The following SDK2 variants were observed in gnomAD, a reference collection of about 807,000 sequenced individuals.
The protein encoded by SDK2 is protein sidekick-2.
A neutral mutation model predicts 253.9 loss-of-function variants in SDK2; 105 were observed. That is an observed-to-expected ratio of 0.41 (90% confidence interval 0.35 to 0.49). The LOEUF (loss-of-function observed/expected upper bound fraction) is 0.49, where lower values mean the gene tolerates loss of function less well. Among genes scored for constraint, SDK2 ranks in the 20% least tolerant of loss-of-function variants. SDK2 has a pLI of 0.06. For synonymous variants in SDK2, 1,249 were observed against 1,234.9 expected (o/e 1.01, Z -0.24); for missense variants, 2,608 against 3,003.0 (o/e 0.87, Z 3.07).
At chr17:73,499,859 CTGTGTG>C (rs59872387) in intron 2 of SDK2, among the ~76,000 whole-genome samples, 18,028 of 145,234 alleles carry the variant, frequency 0.12, 1,068 homozygotes, top group Non-Finnish European at 0.14. Flanking sequence ...GCATGGGAAT[CTGTGTG>C]TGTGTGTGTG....
intron 1 of SDK2, among the ~76,000 whole-genome samples, chr17:73,626,868 C>T (rs1490535700): frequency 6.6e-6 from 1 of 152,188 alleles, no homozygotes; most frequent in African/African-American, 2.4e-5. Flanking sequence ...TGAGCTTGGA[C>T]CTGCTGTGCT....
intron 4 of SDK2, among the ~76,000 whole-genome samples, chr17:73,453,713 G>A (rs2063504337): frequency 6.6e-6 from 1 of 152,132 alleles, no homozygotes; most frequent in South Asian, 2.1e-4. Flanking sequence ...ATCTGTGGCT[G>A]TGGGTAGCTG....
Position 73,612,172 on chromosome 17 carries a change from C to T in SDK2, c.64+31853G>A, listed in dbSNP as rs772849540. On this transcript the variant is annotated intron_variant, in intron 1 of 44. Transcript: ENST00000392650. The surrounding 1 kb of genome is among the most constrained non-coding windows in gnomAD (Gnocchi z 4.4). ...TCACCCCCGCTGCAGCCTCTTCAAGCGAGGAAAGATAAATGCAAGTACACC... is the reference window on the plus strand; with the variant it reads ...TCACCCCCGCTGCAGCCTCTTCAAGTGAGGAAAGATAAATGCAAGTACACC... Among the ~76,000 whole-genome samples, 5 of 152,326 alleles carry T rather than the reference C, an allele frequency of 3.3e-5. No individual in the cohort carries two copies. Among genetic ancestry groups the T allele is most frequent in the Non-Finnish European group, 7.4e-5 (5 of 68,022 alleles).
chr17:73,622,551 C>A (rs114883324), intron 1 of SDK2, among the ~76,000 whole-genome samples: 1 of 152,196 alleles, frequency 6.6e-6, no homozygotes, highest in Non-Finnish European at 1.5e-5. Context: ...GGGAGGGAGG[C>A]AAAGAGTGCT....
chr17:73,423,653 G>T lies in SDK2; in HGVS notation c.1761-131C>A. The T allele has an allele frequency of 4.5e-6, 5 of 1,123,508 alleles. No homozygotes were observed. In the South Asian group the frequency reaches 1.0e-4, roughly 23 times the overall value. 69.6% of individuals were successfully genotyped at this position (1,123,508 alleles called of 1,614,324 possible). A position where few individuals can be genotyped will look rare whatever the true frequency, so the allele number is the denominator to read the frequency against. Reference sequence around the variant, plus strand: ...TGCTTAGACGTAAAATGTGGCCTTCGGGCCATCTACCTGGAGATTTTTCTC... The same window carrying T: ...TGCTTAGACGTAAAATGTGGCCTTCTGGCCATCTACCTGGAGATTTTTCTC... On this transcript the variant is annotated intron_variant, in intron 13 of 44. Transcript: ENST00000392650.
At chr17:73,622,447 T>A (rs965259882) in intron 1 of SDK2, among the ~76,000 whole-genome samples, 3 of 152,140 alleles carry the variant, frequency 2.0e-5, no homozygotes, top group South Asian at 2.1e-4. Flanking sequence ...ATTAGGGCTG[T>A]TTTCATAGCT....
At chr17:73,469,400 G>A (rs1036047444) in intron 3 of SDK2, among the ~76,000 whole-genome samples, 3 of 152,170 alleles carry the variant, frequency 2.0e-5, no homozygotes, top group African/African-American at 7.2e-5. Context: ...CTGTGCCTGG[G>A]CAGAAGCAGG....
intron 6 of SDK2, among the ~76,000 whole-genome samples, chr17:73,440,012 A>G (rs2063402063): frequency 6.6e-6 from 1 of 151,934 alleles, no homozygotes; most frequent in South Asian, 2.1e-4. Flanking sequence ...GGGTTTCATA[A>G]TTGTTTCCTG....
At chr17:73,419,096 G>A in intron 16 of SDK2, 70 bp downstream of exon 16, 1 of 1,543,758 alleles carries the variant, frequency 6.5e-7, no homozygotes, top group South Asian at 1.2e-5. Context: ...CTGTTTTCCA[G>A]TCCACTCCCG....
At chr17:73,358,912 C>T (rs1407729498) in intron 39 of SDK2, among the ~76,000 whole-genome samples, 1 of 151,982 alleles carries the variant, frequency 6.6e-6, no homozygotes, top group Non-Finnish European at 1.5e-5. Context: ...GGGATGTGGG[C>T]CAGTGAGGGA....
At chr17:73,478,983 C>T (rs2063704717) in intron 2 of SDK2, among the ~76,000 whole-genome samples, 1 of 152,262 alleles carries the variant, frequency 6.6e-6, no homozygotes, top group Non-Finnish European at 1.5e-5. Flanking sequence ...TGGTACAACG[C>T]ACATTCATGC....
chr17:73,496,607 G>T lies in SDK2; in HGVS notation c.224+10831C>A, dbSNP rs2063843659. 6.6e-6 allele frequency among the ~76,000 whole-genome samples: 1 copy of T among 152,138 alleles called. No individual in the cohort carries two copies. Among genetic ancestry groups the T allele is most frequent in the African/African-American group, 2.4e-5 (1 of 41,420 alleles). ...ACTCCCTCGACCAAAATCCTTTCGA[G>T]ACTGTCCACTGCCTGCTGGATATAT... On this transcript the variant is annotated intron_variant, in intron 2 of 44. Transcript: ENST00000392650. The surrounding 1 kb of genome is among the most constrained non-coding windows in gnomAD (Gnocchi z 4.7).
chr17:73,448,041 T>C (rs535479801), intron 4 of SDK2, among the ~76,000 whole-genome samples: 34 of 152,286 alleles, frequency 2.2e-4, no homozygotes, highest in African/African-American at 7.5e-4. Context: ...ACCCCAAGAC[T>C]GGGCAAGGGG....
intron 1 of SDK2, among the ~76,000 whole-genome samples, chr17:73,567,134 C>A (rs761111318): frequency 6.6e-6 from 1 of 152,234 alleles, no homozygotes; most frequent in Non-Finnish European, 1.5e-5. Flanking sequence ...GTTTTAGGGG[C>A]CAGGCCTGGA....
intron 1 of SDK2, among the ~76,000 whole-genome samples, chr17:73,529,398 A>C (rs1247749023): frequency 6.6e-6 from 1 of 152,172 alleles, no homozygotes; most frequent in African/African-American, 2.4e-5. Flanking sequence ...GAAGAGTGGA[A>C]TGATTATTAA....
At chr17:73,355,424 G>A (rs1353512785) in intron 40 of SDK2, among the ~76,000 whole-genome samples, 1 of 151,604 alleles carries the variant, frequency 6.6e-6, no homozygotes, top group Admixed American at 6.6e-5. Flanking sequence ...TTGGCTCACT[G>A]CAACCTCCGG....
chr17:73,461,492 G>A (rs1267512767), intron 3 of SDK2, among the ~76,000 whole-genome samples: 3 of 152,226 alleles, frequency 2.0e-5, no homozygotes, highest in Non-Finnish European at 4.4e-5. Context: ...AAGCTGAGTA[G>A]GTATTCCCTA....
chr17:73,389,575 C>T (rs1052609544), intron 29 of SDK2, among the ~76,000 whole-genome samples: 18 of 152,246 alleles, frequency 1.2e-4, no homozygotes, highest in African/African-American at 4.1e-4. Flanking sequence ...TCAGGCCAGT[C>T]GGGGTCCCAG....
At chr17:73,355,174 A>ATATATATATATTTTTTTTTT in intron 40 of SDK2, among the ~76,000 whole-genome samples, 96 of 47,172 alleles carry the variant, frequency 2.0e-3, no homozygotes, top group Non-Finnish European at 2.6e-3. Flanking sequence ...ATATATATAT[A>ATATATATATATTTTTTTTTT]TTTTTTTTTT....
Sources: allele counts gnomAD v4.1 joint callset (sites outside exome capture counted in the v4.1 genomes callset), GRCh38; gene constraint gnomAD v4.1.1; non-coding constraint Gnocchi (gnomAD v3.1); transcripts MANE v1.5; gene names NCBI Gene and HGNC (gene_info 2026-07-23, HGNC 2026-07-21).